Variants in DLGAP2 observed in about 807,000 individuals in gnomAD.
DLGAP2 encodes DLG associated protein 2.
In DLGAP2, 26 loss-of-function variants were observed where a neutral mutation model predicts 100.3. The ratio of observed to expected loss-of-function variants is 0.26; its 90% CI spans 0.19 to 0.36. DLGAP2 has a LOEUF of 0.36. Ranked by LOEUF, DLGAP2 falls within the 10% of genes least tolerant of loss-of-function variation. The pLI is 1.00. For synonymous variants in DLGAP2, 886 were observed against 630.1 expected (o/e 1.41, Z -6.08); for missense variants, 1,858 against 1,453.2 (o/e 1.28, Z -4.53).
At chr8:1,249,362 C>G (rs1165722712) in intron 2 of DLGAP2, among the ~76,000 whole-genome samples, 1 of 152,192 alleles carries the variant, frequency 6.6e-6, no homozygotes, top group East Asian at 1.9e-4. Flanking sequence ...TGCACTGTCA[C>G]TGTGCTTCCC....
intron 2 of DLGAP2, among the ~76,000 whole-genome samples, chr8:1,034,615 C>T (rs1349768600): frequency 1.5e-5 from 1 of 67,416 alleles, no homozygotes; most frequent in African/African-American, 7.0e-5. Context: ...AGCCTCATCC[C>T]GACCCCGCGT....
At chr8:1,323,799 T>C (rs1384963212) in intron 3 of DLGAP2, among the ~76,000 whole-genome samples, 1 of 152,222 alleles carries the variant, frequency 6.6e-6, no homozygotes, top group Non-Finnish European at 1.5e-5. Context: ...AGAAAGAGTT[T>C]CACATCGTGT....
intron 2 of DLGAP2, among the ~76,000 whole-genome samples, chr8:1,183,800 C>T (rs968218731): frequency 2.0e-5 from 3 of 152,298 alleles, no homozygotes; most frequent in Middle Eastern, 3.4e-3. Context: ...CTGCAGAGTA[C>T]GGAACACCCT....
intron 2 of DLGAP2, among the ~76,000 whole-genome samples, chr8:1,220,062 C>G (rs1352137662): frequency 6.6e-6 from 1 of 152,002 alleles, no homozygotes; most frequent in Admixed American, 6.6e-5. Context: ...AAAAAACCAA[C>G]TTATGGTTTT....
intron 6 of DLGAP2, among the ~76,000 whole-genome samples, chr8:1,610,274 G>T (rs1315064879): frequency 1.3e-5 from 2 of 152,142 alleles, no homozygotes; most frequent in East Asian, 3.8e-4. Flanking sequence ...TAAACAACCT[G>T]CTCCTGAATG....
intron 2 of DLGAP2, among the ~76,000 whole-genome samples, chr8:1,006,355 C>T (rs1055421576): frequency 1.3e-5 from 2 of 151,998 alleles, no homozygotes; most frequent in African/African-American, 2.4e-5. Flanking sequence ...CCCTGCGTCT[C>T]AAGTCTCGCG....
At chr8:1,559,935 C>T (rs897253569) in intron 5 of DLGAP2, among the ~76,000 whole-genome samples, 3 of 152,244 alleles carry the variant, frequency 2.0e-5, no homozygotes, top group Non-Finnish European at 2.9e-5. Context: ...ATCCTGGCCC[C>T]TCCCGTCAGC....
At chr8:990,322 CCCCAT>C (rs1563131757) in intron 2 of DLGAP2, among the ~76,000 whole-genome samples, 1 of 143,720 alleles carries the variant, frequency 7.0e-6, no homozygotes, top group African/African-American at 2.7e-5. Flanking sequence ...CCCCCTGCAC[CCCCAT>C]ACTCGGAGTT....
At chr8:978,623 G>A in intron 2 of DLGAP2, among the ~76,000 whole-genome samples, 1 of 149,820 alleles carries the variant, frequency 6.7e-6, no homozygotes, top group Non-Finnish European at 1.5e-5. Flanking sequence ...GGTGACGTGG[G>A]GAGGGCGTCG....
intron 2 of DLGAP2, among the ~76,000 whole-genome samples, chr8:1,114,458 T>A (rs564402600): frequency 1.3e-5 from 2 of 152,182 alleles, no homozygotes; most frequent in Non-Finnish European, 2.9e-5. Context: ...TTTATCCATC[T>A]CTTCTAGGTT....
chr8:1,264,407 C>T (rs1322034622), intron 3 of DLGAP2, among the ~76,000 whole-genome samples: 1 of 152,260 alleles, frequency 6.6e-6, no homozygotes, highest in Admixed American at 6.5e-5. Context: ...ACTGGAAAAA[C>T]ATGCCTGAGA....
At chr8:1,436,075 C>G (rs879735227) in intron 3 of DLGAP2, among the ~76,000 whole-genome samples, 1 of 152,050 alleles carries the variant, frequency 6.6e-6, no homozygotes, top group African/African-American at 2.4e-5. Context: ...AGGGACAGGA[C>G]TAATAGGATA....
At chr8:1,437,642 T>A (rs1278765125) in intron 3 of DLGAP2, among the ~76,000 whole-genome samples, 1 of 151,960 alleles carries the variant, frequency 6.6e-6, no homozygotes, top group East Asian at 1.9e-4. Flanking sequence ...CTCCATCAGC[T>A]TTTTTTCTGT....
chr8:948,699 C>G (rs1328176729), intron 2 of DLGAP2, among the ~76,000 whole-genome samples: 1 of 152,262 alleles, frequency 6.6e-6, no homozygotes, highest in Non-Finnish European at 1.5e-5. Context: ...CGTCTCCCTG[C>G]TGCTCCAGCG....
intron 3 of DLGAP2, among the ~76,000 whole-genome samples, chr8:1,324,565 T>G (rs1585260457): frequency 6.6e-6 from 1 of 152,316 alleles, no homozygotes; most frequent in East Asian, 1.9e-4. Flanking sequence ...GGACACAGTG[T>G]TACATCCATT....
chr8:740,151 G>A (rs997541929), intron 1 of DLGAP2: 1 of 152,212 alleles, frequency 6.6e-6, no homozygotes, highest in Non-Finnish European at 1.5e-5. Flanking sequence ...AGGTTAAAGG[G>A]TAAGAGTTGT....
chr8:1,065,676 C>T (rs1310546051), intron 2 of DLGAP2, among the ~76,000 whole-genome samples: 4 of 152,144 alleles, frequency 2.6e-5, no homozygotes, highest in African/African-American at 7.2e-5. Context: ...CCTTCCAATT[C>T]GATACTCTCC....
At chr8:1,364,427 C>A (rs1004055977) in intron 3 of DLGAP2, among the ~76,000 whole-genome samples, 1 of 151,250 alleles carries the variant, frequency 6.6e-6, no homozygotes. Flanking sequence ...TCCTCCACCC[C>A]GACCTTCAGG....
intron 7 of DLGAP2, among the ~76,000 whole-genome samples, chr8:1,627,416 A>G (rs533950427): frequency 1.1e-4 from 17 of 152,280 alleles, no homozygotes; most frequent in African/African-American, 3.4e-4. Flanking sequence ...TGGTATTAAA[A>G]TCAGGTGCCT....
Sources: gnomAD v4.1 joint callset for allele counts (sites outside exome capture counted in the v4.1 genomes callset) on GRCh38, gnomAD v4.1.1 for gene constraint, MANE v1.5 for transcripts, NCBI Gene and HGNC (gene_info 2026-07-23, HGNC 2026-07-21) for gene names.